Variants in AKAP6 observed in about 807,000 individuals in gnomAD.
The protein encoded by AKAP6 is A-kinase anchoring protein 6.
In AKAP6, 58 loss-of-function variants were observed where a neutral mutation model predicts 188.5. The ratio of observed to expected loss-of-function variants is 0.31; its 90% CI spans 0.25 to 0.38. The LOEUF is 0.38. Ranked by LOEUF, AKAP6 falls within the 10% of genes least tolerant of loss-of-function variation. The probability of loss-of-function intolerance (pLI) is 1.00; values close to 1 mark genes in which losing one functional copy is unlikely to be tolerated. For missense variants in AKAP6, 2,710 were observed against 2,740.0 expected, an observed-to-expected ratio of 0.99 and a Z score of 0.24; for synonymous variants, 989 against 998.6, an observed-to-expected ratio of 0.99 and a Z score of 0.18.
chr14:32,428,752 T>C (rs1890119302), intron 1 of AKAP6, among the ~76,000 whole-genome samples: 1 of 152,218 alleles, frequency 6.6e-6, no homozygotes, highest in African/African-American at 2.4e-5. Flanking sequence ...TGCATTCTGC[T>C]AGCGTCAAGC....
intron 1 of AKAP6, among the ~76,000 whole-genome samples, chr14:32,364,727 G>T (rs555607936): frequency 1.3e-5 from 2 of 152,140 alleles, no homozygotes; most frequent in African/African-American, 2.4e-5. Context: ...TCTTGAGAAG[G>T]ATTTTTTAAT....
intron 9 of AKAP6, among the ~76,000 whole-genome samples, chr14:32,699,689 T>C (rs1045742685): frequency 6.6e-6 from 1 of 152,228 alleles, no homozygotes; most frequent in Non-Finnish European, 1.5e-5. Flanking sequence ...ATCTATTTTC[T>C]AATGAACATT....
At chr14:32,632,264 G>A (rs964249731) in intron 7 of AKAP6, among the ~76,000 whole-genome samples, 1 of 151,964 alleles carries the variant, frequency 6.6e-6, no homozygotes, top group African/African-American at 2.4e-5. Context: ...TAAAAGTTTA[G>A]GAGCTCTTGC....
chr14:32,615,167 C>CA (rs71115086), intron 7 of AKAP6, among the ~76,000 whole-genome samples: 1,472 of 53,462 alleles, frequency 0.028, 175 homozygotes, highest in African/African-American at 0.11. Flanking sequence ...GACTCTGTCT[C>CA]AAAAAAAAAA....
Position 32,523,780 on chromosome 14 carries a change from C to T in AKAP6, c.325-11774C>T, listed in dbSNP as rs1881981492. On this transcript the variant is annotated intron_variant, in intron 2 of 13. Transcript: ENST00000280979. ...CCATGCCTGGCCATGAAGTTAAATACTCCTCCTGATTAAAAAAAAAAAAAA... is the reference window on the plus strand; with the variant it reads ...CCATGCCTGGCCATGAAGTTAAATATTCCTCCTGATTAAAAAAAAAAAAAA... 2.9e-5 allele frequency among the ~76,000 whole-genome samples: 4 copies of T among 137,466 alleles called. No homozygotes were observed. The South Asian group carries it at 9.4e-4, about 32-fold the overall frequency. 90.2% of individuals were successfully genotyped at this position (137,466 alleles called of 152,430 possible).
At position 32,546,260 on chromosome 14, in the gene AKAP6, A is replaced by T. The variant is rs994886710; in HGVS notation, c.1607A>T (p.Tyr536Phe). ...SSAVPNGELS[Y>F]TSKAIEGPQT... ...GCAGTGCCAAATGGAGAGCTTTCTT[A>T]TACTTCCAAGGCCATAGAGGGGCCA... Residue 536 changes from tyrosine to phenylalanine, a missense_variant, in exon 4 of 14, where the codon TAT becomes TTT. Tyr to Phe is a conservative substitution (Grantham distance 22, BLOSUM62 3). This residue lies in a region of AKAP6 where 2,473 missense variants were observed against 2,426.1 expected (regional missense o/e 1.02). Coordinates refer to ENST00000280979, the MANE Select transcript of AKAP6 (RefSeq NM_004274.5). 2.5e-6 allele frequency: 4 copies of T among 1,614,066 alleles called. No individual in the cohort carries two copies. The highest frequency in any genetic ancestry group is 1.7e-5 in the Admixed American group (1 of 60,002).
At chr14:32,468,044 C>A (rs898560806) in intron 2 of AKAP6, among the ~76,000 whole-genome samples, 1 of 152,048 alleles carries the variant, frequency 6.6e-6, no homozygotes, top group African/African-American at 2.4e-5. Context: ...CTCTCATTTT[C>A]ACCCTAATTG....
intron 4 of AKAP6, among the ~76,000 whole-genome samples, chr14:32,547,770 G>A (rs981316744): frequency 9.9e-5 from 15 of 151,890 alleles, no homozygotes; most frequent in African/African-American, 3.6e-4. Flanking sequence ...CTTGAGCTGA[G>A]GAGGTTGAGG....
intron 5 of AKAP6, among the ~76,000 whole-genome samples, chr14:32,596,852 A>T (rs1885725795): frequency 2.6e-5 from 4 of 152,198 alleles, no homozygotes; most frequent in African/African-American, 9.6e-5. Flanking sequence ...CAAAATGGCG[A>T]GAGCTTATTA....
chr14:32,818,507 T>A (rs936687590), intron 12 of AKAP6, among the ~76,000 whole-genome samples: 1 of 139,362 alleles, frequency 7.2e-6, no homozygotes, highest in Admixed American at 7.3e-5. Flanking sequence ...AAAACTTGGG[T>A]TTTTTTTTTT....
intron 2 of AKAP6, among the ~76,000 whole-genome samples, chr14:32,436,269 A>T (rs1050471519): frequency 6.6e-6 from 1 of 152,188 alleles, no homozygotes; most frequent in Non-Finnish European, 1.5e-5. Context: ...TGCCTAATTT[A>T]TATGTTCATC....
chr14:32,533,721 G>C (rs998843889), intron 2 of AKAP6, among the ~76,000 whole-genome samples: 7 of 152,162 alleles, frequency 4.6e-5, no homozygotes, highest in Admixed American at 2.0e-4. Context: ...ACATGAAGTA[G>C]GTGCTCCAAC....
chr14:32,629,338 G>A (rs541182277), intron 7 of AKAP6, among the ~76,000 whole-genome samples: 2 of 146,672 alleles, frequency 1.4e-5, no homozygotes, highest in South Asian at 2.1e-4. Flanking sequence ...TCATTTAAAC[G>A]TGTCACATTA....
intron 11 of AKAP6, among the ~76,000 whole-genome samples, chr14:32,756,184 C>T (rs2032325618): frequency 6.6e-6 from 1 of 152,122 alleles, no homozygotes; most frequent in South Asian, 2.1e-4. Context: ...GAGCTAGAAT[C>T]TACCAGGACA....
intron 9 of AKAP6, among the ~76,000 whole-genome samples, chr14:32,716,743 C>A (rs2030230416): frequency 6.6e-6 from 1 of 150,652 alleles, no homozygotes; most frequent in Admixed American, 6.6e-5. Flanking sequence ...TGTGTGATTT[C>A]TTTTACTCTC....
chr14:32,558,691 A>T (rs1263066725), intron 4 of AKAP6, among the ~76,000 whole-genome samples: 1 of 152,220 alleles, frequency 6.6e-6, no homozygotes, highest in Non-Finnish European at 1.5e-5. Flanking sequence ...TTTCTCTTTT[A>T]CCTAGAGGCA....
At chr14:32,790,748 C>T (rs1363868095) in intron 12 of AKAP6, among the ~76,000 whole-genome samples, 1 of 152,058 alleles carries the variant, frequency 6.6e-6, no homozygotes, top group Non-Finnish European at 1.5e-5. Context: ...AGGTGTTTGT[C>T]CTAATGCTCT....
At chr14:32,727,079 C>A (rs945682366) in intron 9 of AKAP6, among the ~76,000 whole-genome samples, 20 of 151,904 alleles carry the variant, frequency 1.3e-4, no homozygotes, top group Non-Finnish European at 2.9e-4. Flanking sequence ...GATAGAGAAC[C>A]GTTTTAAAAA....
intron 3 of AKAP6, among the ~76,000 whole-genome samples, chr14:32,544,256 G>A (rs1883087341): frequency 6.6e-6 from 1 of 152,036 alleles, no homozygotes; most frequent in African/African-American, 2.4e-5. Context: ...TTTCCTAAGG[G>A]GGCTAGGTTA....
Sources: allele counts gnomAD v4.1 joint callset (sites outside exome capture counted in the v4.1 genomes callset), GRCh38; gene constraint gnomAD v4.1.1; regional missense constraint gnomAD v4.1.1; transcripts MANE v1.5; gene names NCBI Gene and HGNC (gene_info 2026-07-23, HGNC 2026-07-21).